ZYG11B: variants seen among roughly 807,000 people sequenced by gnomAD.
ZYG11B encodes the protein protein zyg-11 homolog B.
In ZYG11B, 36 loss-of-function variants were observed where a neutral mutation model predicts 82.4. The ratio of observed to expected loss-of-function variants is 0.44; its 90% CI spans 0.33 to 0.58. The LOEUF (loss-of-function observed/expected upper bound fraction) is 0.58. ZYG11B is among the 20% of genes least tolerant of loss of function. ZYG11B has a pLI of 0.02. For missense variants in ZYG11B, 552 were observed against 895.6 expected (o/e 0.62, Z 4.90); for synonymous variants, 303 against 312.8 (o/e 0.97, Z 0.33).
At chr1:52,782,485 A>G (rs182137261) in intron 4 of ZYG11B, among the ~76,000 whole-genome samples, 41 of 152,208 alleles carry the variant, frequency 2.7e-4, no homozygotes, top group Non-Finnish European at 1.0e-4. Flanking sequence ...CAAACTCTTG[A>G]GCTCAGCAAT....
At chr1:52,772,119 A>G (rs960569) in intron 3 of ZYG11B, 53,144 of 976,652 alleles carry the variant, frequency 0.054, 5,155 homozygotes, top group East Asian at 0.3. Flanking sequence ...CCATTTACAT[A>G]TATGGTTTTT....
chr1:52,726,965 C>G (rs958267465), intron 1 of ZYG11B, among the ~76,000 whole-genome samples: 10 of 152,044 alleles, frequency 6.6e-5, no homozygotes, highest in African/African-American at 2.4e-4. Context: ...CCCTTTGTCG[C>G]CCACTCCTTG....
At chr1:52,748,514 A>G (rs1265442774) in intron 1 of ZYG11B, among the ~76,000 whole-genome samples, 1 of 152,262 alleles carries the variant, frequency 6.6e-6, no homozygotes, top group African/African-American at 2.4e-5. Context: ...AATAAAATTA[A>G]TTCTGCCTTA....
intron 13 of ZYG11B, among the ~76,000 whole-genome samples, chr1:52,819,583 C>T (rs538970667): frequency 1.6e-4 from 24 of 151,916 alleles, no homozygotes; most frequent in Admixed American, 4.6e-4. Context: ...GTCAGGAGAT[C>T]GAGACCATCC....
At chr1:52,744,884 C>T (rs1319602423) in intron 1 of ZYG11B, among the ~76,000 whole-genome samples, 1 of 152,098 alleles carries the variant, frequency 6.6e-6, no homozygotes, top group Admixed American at 6.6e-5. Context: ...TGTGCCTCAG[C>T]TTTCTTAACT....
rs561855780 is a variant in ZYG11B at position 52,739,963 on chromosome 1, A to G, written c.30+13280A>G. On this transcript the variant is annotated intron_variant, in intron 1 of 13. Coordinates refer to ENST00000294353, the MANE Select transcript of ZYG11B (RefSeq NM_024646.3). Reference sequence around the variant, plus strand: ...TTATTCCTCATTACTATTTTGTGGGATAGTCAAGAGGTTTAGCTTCAATTT... The same window carrying G: ...TTATTCCTCATTACTATTTTGTGGGGTAGTCAAGAGGTTTAGCTTCAATTT... Among the ~76,000 whole-genome samples, 5 of 152,244 alleles carry G rather than the reference A, an allele frequency of 3.3e-5. No homozygotes were observed. In the East Asian group the frequency reaches 9.7e-4, roughly 29 times the overall value.
intron 4 of ZYG11B, among the ~76,000 whole-genome samples, chr1:52,783,893 C>CACGTGTGTGTGTATGTACATAA (rs1553260833): frequency 1.2e-5 from 1 of 81,940 alleles, no homozygotes; most frequent in Non-Finnish European, 2.6e-5. Context: ...TATGTACATA[C>CACGTGTGTGTGTATGTACATAA]ACGTGTGTGT....
At chr1:52,778,213 T>G (rs1236508297) in intron 3 of ZYG11B, among the ~76,000 whole-genome samples, 1 of 152,230 alleles carries the variant, frequency 6.6e-6, no homozygotes, top group Admixed American at 6.5e-5. Flanking sequence ...CCTCATCCCT[T>G]TCTTTTCCTT....
rs554751401 is a variant in ZYG11B, at chr1:52,826,706, G to A, written c.*5077G>A. The A allele has an allele frequency of 6.6e-6, 1 of 152,250 alleles. No individual in the cohort carries two copies. Among genetic ancestry groups the A allele is most frequent in the South Asian group, 2.1e-4 (1 of 4,826 alleles). The allele number at this position is 152,250 out of a possible 1,614,324, so 9.4% of individuals were successfully genotyped here. On this transcript the variant is annotated 3_prime_UTR_variant, in exon 14 of 14. Coordinates refer to ENST00000294353, the MANE Select transcript of ZYG11B (RefSeq NM_024646.3). ...ATGACTCTAAAGTAAAGCTCTTTTG[G>A]ATAGCACAGCCTAACTTTACAGCTA...
intron 8 of ZYG11B, among the ~76,000 whole-genome samples, chr1:52,797,154 AT>A (rs1458738142): frequency 1.2e-4 from 9 of 72,664 alleles, no homozygotes; most frequent in South Asian, 3.8e-4. Context: ...TATATTATAT[AT>A]TTATATATTA....
intron 13 of ZYG11B, among the ~76,000 whole-genome samples, chr1:52,820,433 G>A (rs144956033): frequency 6.6e-6 from 1 of 151,872 alleles, no homozygotes; most frequent in East Asian, 2.0e-4. Flanking sequence ...GATCACTTAA[G>A]GTCAGGAGTT....
chr1:52,803,123 CATATATATATACACACAT>C (rs1571793124), intron 10 of ZYG11B, among the ~76,000 whole-genome samples: 31 of 53,612 alleles, frequency 5.8e-4, no homozygotes, highest in African/African-American at 2.0e-3. Flanking sequence ...TATATACACA[CATATATATATACACACAT>C]ATATATATAT....
At chr1:52,744,204 T>C (rs892818809) in intron 1 of ZYG11B, among the ~76,000 whole-genome samples, 2 of 152,216 alleles carry the variant, frequency 1.3e-5, no homozygotes, top group African/African-American at 4.8e-5. Context: ...CTCAAAGTGC[T>C]GGGATTACAG....
At chr1:52,736,515 C>T (rs1054321362) in intron 1 of ZYG11B, among the ~76,000 whole-genome samples, 2 of 151,936 alleles carry the variant, frequency 1.3e-5, no homozygotes, top group African/African-American at 2.4e-5. Context: ...TGCAGTGGCA[C>T]CATCTCGGCT....
At chr1:52,727,728 C>G (rs982989640) in intron 1 of ZYG11B, among the ~76,000 whole-genome samples, 5 of 152,020 alleles carry the variant, frequency 3.3e-5, no homozygotes, top group Non-Finnish European at 5.9e-5. Context: ...GTTGGGAGAA[C>G]CTTATATTTG....
intron 4 of ZYG11B, among the ~76,000 whole-genome samples, chr1:52,783,869 TAC>T (rs1436614856): frequency 2.1e-5 from 3 of 145,698 alleles, no homozygotes; most frequent in African/African-American, 5.1e-5. Context: ...TGTATGTACA[TAC>T]ACGTGTGTGT....
intron 10 of ZYG11B, among the ~76,000 whole-genome samples, chr1:52,808,894 G>A (rs12097628): frequency 0.038 from 5,712 of 151,966 alleles, 336 homozygotes; most frequent in African/African-American, 0.13. Context: ...AATGCCATCT[G>A]GTAGATTTTT....
At chr1:52,772,126 TTTTTTG>T (rs925819858) in intron 3 of ZYG11B, 134 of 1,047,038 alleles carry the variant, frequency 1.3e-4, no homozygotes, top group East Asian at 4.3e-4. Flanking sequence ...CATATATGGT[TTTTTTG>T]TTTTTGTTTT....
intron 1 of ZYG11B, among the ~76,000 whole-genome samples, chr1:52,744,612 G>T (rs1436636438): frequency 2.0e-5 from 3 of 152,212 alleles, no homozygotes; most frequent in African/African-American, 7.2e-5. Context: ...GGAGGCCAAG[G>T]CGGGCGGATC....
Sources: allele counts gnomAD v4.1 joint callset (sites outside exome capture counted in the v4.1 genomes callset), GRCh38; gene constraint gnomAD v4.1.1; transcripts MANE v1.5; gene names NCBI Gene and HGNC (gene_info 2026-07-23, HGNC 2026-07-21).